The following ROBO2 variants were observed in gnomAD, a reference collection of about 807,000 sequenced individuals.
ROBO2 encodes the protein roundabout homolog 2.
In ROBO2, 53 loss-of-function variants were observed where a neutral mutation model predicts 160.8. The observed-to-expected ratio is 0.33, with a 90% CI of 0.26 to 0.41. The LOEUF is 0.41. Ranked by LOEUF, ROBO2 falls within the 10% of genes least tolerant of loss-of-function variation. The pLI is 1.00. For synonymous variants in ROBO2, 664 were observed against 611.7 expected (o/e 1.09, Z -1.26); for missense variants, 1,577 against 1,722.4 (o/e 0.92, Z 1.49).
chr3:76,120,959 AG>A (rs2070728845), intron 2 of ROBO2, among the ~76,000 whole-genome samples: 1 of 152,208 alleles, frequency 6.6e-6, no homozygotes, highest in African/African-American at 2.4e-5. Flanking sequence ...CTAGATTGAT[AG>A]CCACATAATA....
chr3:77,166,699 C>T (rs992528642), intron 2 of ROBO2, among the ~76,000 whole-genome samples: 1 of 151,988 alleles, frequency 6.6e-6, no homozygotes, highest in Non-Finnish European at 1.5e-5. Context: ...GCTGGGACTA[C>T]AGGCGCCGCC....
rs575120753 is a variant in ROBO2, at chr3:76,023,813, T to C, written c.109+86211T>C. ...GTGAATAGAATTGCTCAAGGCAGGC[T>C]GGCCACAAACCTTCAATTTGTAAAA... On this transcript the variant is annotated intron_variant, in intron 2 of 26. Coordinates refer to the ROBO2 transcript ENST00000487694. 9.8e-4 allele frequency among the ~76,000 whole-genome samples: 149 copies of C among 151,636 alleles called. 2 individuals carry two copies. Among genetic ancestry groups the C allele is most frequent in the Non-Finnish European group, 1.5e-3 (99 of 67,616 alleles).
At chr3:77,226,578 G>A (rs1301961124) in intron 2 of ROBO2, among the ~76,000 whole-genome samples, 1 of 152,012 alleles carries the variant, frequency 6.6e-6, no homozygotes, top group Non-Finnish European at 1.5e-5. Flanking sequence ...CATCTCAATT[G>A]ACAAAGTCAA....
At chr3:76,719,877 G>A (rs1463479310) in intron 2 of ROBO2, among the ~76,000 whole-genome samples, 2 of 48,258 alleles carry the variant, frequency 4.1e-5, no homozygotes, top group Non-Finnish European at 8.3e-5. Context: ...GAGTGAGACT[G>A]TGTCTCAAAA....
chr3:76,117,756 G>C (rs747264588), intron 2 of ROBO2, among the ~76,000 whole-genome samples: 10 of 152,250 alleles, frequency 6.6e-5, no homozygotes, highest in Admixed American at 1.3e-4. Flanking sequence ...TAGTGGGGGA[G>C]ACAGATGTTG....
intron 2 of ROBO2, among the ~76,000 whole-genome samples, chr3:76,710,582 T>C (rs1466443614): frequency 6.6e-6 from 1 of 152,192 alleles, no homozygotes; most frequent in African/African-American, 2.4e-5. Flanking sequence ...CTTGGAGTTA[T>C]GGAGACAGAA....
chr3:76,521,967 G>C (rs1049566860), intron 2 of ROBO2, among the ~76,000 whole-genome samples: 1 of 152,066 alleles, frequency 6.6e-6, no homozygotes, highest in African/African-American at 2.4e-5. Flanking sequence ...TTAGCTGTTT[G>C]AGTGATCAAA....
intron 2 of ROBO2, among the ~76,000 whole-genome samples, chr3:76,907,761 A>C (rs533771067): frequency 6.6e-6 from 1 of 152,224 alleles, no homozygotes; most frequent in South Asian, 2.1e-4. Flanking sequence ...AATCATTAAT[A>C]AAAGGCTAGA....
chr3:77,085,201 G>C (rs2069144646), intron 1 of ROBO2, among the ~76,000 whole-genome samples: 1 of 152,012 alleles, frequency 6.6e-6, no homozygotes. Flanking sequence ...CATCAAAACT[G>C]TTATGATTGG....
chr3:76,512,746 T>C (rs1362576826), intron 2 of ROBO2, among the ~76,000 whole-genome samples: 2 of 152,290 alleles, frequency 1.3e-5, no homozygotes, highest in East Asian at 3.9e-4. Context: ...TAAATGGATA[T>C]GAAATATAAA....
intron 2 of ROBO2, among the ~76,000 whole-genome samples, chr3:77,369,344 C>T (rs183035570): frequency 6.6e-6 from 1 of 152,282 alleles, no homozygotes; most frequent in Admixed American, 6.5e-5. Flanking sequence ...TGTCTAGGTC[C>T]TGGACTGTAG....
At chr3:76,412,251 C>T (rs1031459768) in intron 2 of ROBO2, among the ~76,000 whole-genome samples, 1 of 152,156 alleles carries the variant, frequency 6.6e-6, no homozygotes, top group South Asian at 2.1e-4. Flanking sequence ...CCCTGGGTTA[C>T]TCCCACAACA....
At chr3:76,185,215 T>TATATATATATATAGATATATATATATAC in intron 2 of ROBO2, among the ~76,000 whole-genome samples, 3 of 90,312 alleles carry the variant, frequency 3.3e-5, no homozygotes, top group African/African-American at 1.1e-4. Flanking sequence ...TATATATATA[T>TATATATATATATAGATATATATATATAC]ACACACACAA....
At chr3:76,035,143 A>G (rs1159132862) in intron 2 of ROBO2, among the ~76,000 whole-genome samples, 2 of 150,698 alleles carry the variant, frequency 1.3e-5, no homozygotes, top group African/African-American at 2.4e-5. Context: ...CCTGCATTTA[A>G]TTACTTACCT....
At chr3:76,897,174 G>C (rs1173367057) in intron 2 of ROBO2, among the ~76,000 whole-genome samples, 1 of 152,058 alleles carries the variant, frequency 6.6e-6, no homozygotes, top group Non-Finnish European at 1.5e-5. Context: ...ATTTATGATG[G>C]ATCTATCAGT....
intron 2 of ROBO2, among the ~76,000 whole-genome samples, chr3:76,508,649 T>C (rs961149597): frequency 3.3e-5 from 5 of 152,202 alleles, no homozygotes; most frequent in Non-Finnish European, 5.9e-5. Context: ...TGGATCGACA[T>C]ATATTTTTCT....
At chr3:76,607,173 C>T (rs1351154857) in intron 2 of ROBO2, among the ~76,000 whole-genome samples, 1 of 152,044 alleles carries the variant, frequency 6.6e-6, no homozygotes, top group African/African-American at 2.4e-5. Context: ...CTTGCCTCAG[C>T]CTCCTGAGTA....
chr3:76,445,028 T>A (rs908480726), intron 2 of ROBO2, among the ~76,000 whole-genome samples: 1 of 152,162 alleles, frequency 6.6e-6, no homozygotes, highest in Non-Finnish European at 1.5e-5. Context: ...CTTTATTACA[T>A]CCTTTTAGTT....
chr3:76,583,842 C>T (rs2085857600), intron 2 of ROBO2, among the ~76,000 whole-genome samples: 1 of 152,186 alleles, frequency 6.6e-6, no homozygotes, highest in Admixed American at 6.5e-5. Context: ...GAATTCTATT[C>T]CACACCTAAT....
Sources: gnomAD v4.1 joint callset for allele counts (sites outside exome capture counted in the v4.1 genomes callset) on GRCh38, gnomAD v4.1.1 for gene constraint, MANE v1.5 for transcripts, NCBI Gene and HGNC (gene_info 2026-07-23, HGNC 2026-07-21) for gene names.